The following CADPS2 variants were observed in gnomAD, a reference collection of about 807,000 sequenced individuals.
CADPS2 encodes the protein calcium-dependent secretion activator 2.
Under a neutral mutation model 172.5 loss-of-function variants are expected in CADPS2, and 93 were observed. The ratio of observed to expected loss-of-function variants is 0.54; its 90% CI spans 0.46 to 0.64. The LOEUF is 0.64. Ranked by LOEUF, CADPS2 falls within the 30% of genes least tolerant of loss-of-function variation. CADPS2 has a pLI of 0.00. For missense variants in CADPS2, 1,420 were observed against 1,565.9 expected, an observed-to-expected ratio of 0.91 and a Z score of 1.57; for synonymous variants, 546 against 555.2, an observed-to-expected ratio of 0.98 and a Z score of 0.23.
chr7:122,625,761 C>T (rs1489262718), intron 4 of CADPS2, among the ~76,000 whole-genome samples: 3 of 151,954 alleles, frequency 2.0e-5, no homozygotes, highest in African/African-American at 7.3e-5. Flanking sequence ...ATCAATCTCT[C>T]TCTCTCTCTC....
chr7:122,456,922 A>G (rs939228517), intron 14 of CADPS2, among the ~76,000 whole-genome samples: 1 of 152,356 alleles, frequency 6.6e-6, no homozygotes, highest in African/African-American at 2.4e-5. Flanking sequence ...AGATTACTGC[A>G]TTCTAAAACA....
intron 1 of CADPS2, among the ~76,000 whole-genome samples, chr7:122,872,330 C>T (rs1421501734): frequency 6.6e-6 from 1 of 152,086 alleles, no homozygotes; most frequent in Admixed American, 6.6e-5. Context: ...ATTTTGGCCT[C>T]CCTCTCTGTC....
rs71161313 is a variant in CADPS2, at chr7:122,637,171, CTTTTTTTTTTTTT to C, written c.787-7856_787-7844del. 7.9e-3 allele frequency among the ~76,000 whole-genome samples: 424 copies of C among 53,898 alleles called. 72 individuals carry two copies. Among genetic ancestry groups the C allele is most frequent in the East Asian group, 0.02 (45 of 2,228 alleles). 35.4% of individuals were successfully genotyped at this position (53,898 alleles called of 152,430 possible). A position where few individuals can be genotyped will look rare whatever the true frequency, so the allele number is the denominator to read the frequency against. On this transcript the variant is annotated intron_variant, in intron 3 of 29. Coordinates refer to ENST00000449022, the MANE Select transcript of CADPS2 (RefSeq NM_017954.11). ...CTTCTGACTGCATTATGAAATTTTG[CTTTTTTTTTTTTT>C]TTTTTTTTTTTTTTTTTTTTTTTTC...
chr7:122,880,697 A>G (rs1207016727), intron 1 of CADPS2, among the ~76,000 whole-genome samples: 1 of 152,216 alleles, frequency 6.6e-6, no homozygotes, highest in East Asian at 1.9e-4. Flanking sequence ...TTGTTTTTAA[A>G]GCTCTCCAGG....
intron 3 of CADPS2, among the ~76,000 whole-genome samples, chr7:122,631,072 G>A (rs1170312408): frequency 2.6e-5 from 4 of 152,054 alleles, no homozygotes; most frequent in African/African-American, 7.2e-5. Context: ...ACGGGTTCCA[G>A]GTTAACTGAA....
At chr7:122,884,480 C>T (rs1165474179) in intron 1 of CADPS2, among the ~76,000 whole-genome samples, 1 of 152,148 alleles carries the variant, frequency 6.6e-6, no homozygotes, top group African/African-American at 2.4e-5. Flanking sequence ...TTGGGAAATG[C>T]TATTATGACC....
intron 11 of CADPS2, among the ~76,000 whole-genome samples, chr7:122,487,531 G>T (rs1163845592): frequency 6.6e-6 from 1 of 151,942 alleles, no homozygotes; most frequent in Non-Finnish European, 1.5e-5. Flanking sequence ...TAGCAAAAAA[G>T]CACATGAAAA....
chr7:122,377,931 C>CA (rs1374514976), intron 25 of CADPS2, among the ~76,000 whole-genome samples: 19 of 151,592 alleles, frequency 1.3e-4, no homozygotes, highest in Admixed American at 7.2e-4. Flanking sequence ...TTGAAAACTA[C>CA]AAAAAAAATG....
intron 2 of CADPS2, among the ~76,000 whole-genome samples, chr7:122,673,765 C>A (rs192541167): frequency 2.6e-5 from 4 of 152,370 alleles, no homozygotes; most frequent in Non-Finnish European, 5.9e-5. Context: ...GTGGATCCCA[C>A]ACCAGGGCTG....
chr7:122,819,057 T>C (rs1023910530), intron 1 of CADPS2, among the ~76,000 whole-genome samples: 2 of 152,028 alleles, frequency 1.3e-5, no homozygotes, highest in African/African-American at 4.8e-5. Flanking sequence ...TGAACAATAA[T>C]AGAAAAAAGT....
chr7:122,396,974 T>C (rs1474162739), intron 20 of CADPS2, among the ~76,000 whole-genome samples: 1 of 152,254 alleles, frequency 6.6e-6, no homozygotes, highest in African/African-American at 2.4e-5. Context: ...TTGTATTAAA[T>C]GGCACTTATA....
At chr7:122,513,087 A>G (rs890153021) in intron 9 of CADPS2, among the ~76,000 whole-genome samples, 162 bp downstream of exon 9, 2 of 152,210 alleles carry the variant, frequency 1.3e-5, no homozygotes, top group African/African-American at 4.8e-5. Flanking sequence ...TTTTACATAA[A>G]AACTTTAGTG....
intron 1 of CADPS2, among the ~76,000 whole-genome samples, chr7:122,852,840 C>A (rs1814067567): frequency 6.6e-6 from 1 of 152,048 alleles, no homozygotes; most frequent in Non-Finnish European, 1.5e-5. Flanking sequence ...ATAACGGAAT[C>A]CCTCTGACTA....
chr7:122,652,533 T>C (rs1223219373), intron 3 of CADPS2, among the ~76,000 whole-genome samples: 2 of 152,188 alleles, frequency 1.3e-5, no homozygotes, highest in African/African-American at 4.8e-5. Flanking sequence ...CTTAAAATAT[T>C]CCAAAATTAA....
chr7:122,432,183 G>A (rs1476861107), intron 17 of CADPS2, among the ~76,000 whole-genome samples: 1 of 152,140 alleles, frequency 6.6e-6, no homozygotes, highest in African/African-American at 2.4e-5. Context: ...GGGCTCTGGT[G>A]TCTGAGAGAT....
chr7:122,360,713 A>G, intron 27 of CADPS2, 75 bp downstream of exon 27: 1 of 1,340,526 alleles, frequency 7.5e-7, no homozygotes, highest in Non-Finnish European at 1.0e-6. Flanking sequence ...AAGATTTGAA[A>G]TAAACCCATG....
intron 1 of CADPS2, among the ~76,000 whole-genome samples, chr7:122,744,540 G>A (rs771447805): frequency 2.6e-5 from 4 of 152,032 alleles, no homozygotes; most frequent in African/African-American, 4.8e-5. Flanking sequence ...TTGCCCCAGC[G>A]AACAGTGAAC....
intron 28 of CADPS2, among the ~76,000 whole-genome samples, chr7:122,344,188 G>C (rs1395012682): frequency 2.0e-5 from 3 of 152,178 alleles, no homozygotes; most frequent in Admixed American, 1.3e-4. Context: ...CCCGTGAATT[G>C]CTGTTACGAA....
intron 2 of CADPS2, chr7:122,701,997 C>G: frequency 6.2e-7 from 1 of 1,613,714 alleles, no homozygotes; most frequent in Non-Finnish European, 8.5e-7. Context: ...TCATTTAGGT[C>G]TAATTCCTCA....
Sources: allele counts gnomAD v4.1 joint callset (sites outside exome capture counted in the v4.1 genomes callset), GRCh38; gene constraint gnomAD v4.1.1; transcripts MANE v1.5; gene names NCBI Gene and HGNC (gene_info 2026-07-23, HGNC 2026-07-21).